HOOK3: variants seen among roughly 807,000 people sequenced by gnomAD.
HOOK3 encodes the protein hook microtubule tethering protein 3.
Under a neutral mutation model 116.3 loss-of-function variants are expected in HOOK3, and 24 were observed. That is an observed-to-expected ratio of 0.21 (90% CI 0.15 to 0.29). The LOEUF (loss-of-function observed/expected upper bound fraction) is 0.29, where lower values mean the gene tolerates loss of function less well. Among genes scored for constraint, HOOK3 ranks in the 10% least tolerant of loss-of-function variants. The pLI, the probability that HOOK3 is intolerant of heterozygous loss-of-function variation, is 1.00. For missense variants in HOOK3, 632 were observed against 830.2 expected (o/e 0.76, Z 2.93); for synonymous variants, 275 against 283.0 (o/e 0.97, Z 0.28).
intron 4 of HOOK3, among the ~76,000 whole-genome samples, chr8:42,931,478 G>C (rs1467219155): frequency 1.6e-5 from 2 of 128,796 alleles, no homozygotes; most frequent in Admixed American, 1.9e-4. Context: ...GTCACCCAGT[G>C]TGGAGTGCAG....
At chr8:42,919,969 G>A (rs1452225482) in intron 2 of HOOK3, among the ~76,000 whole-genome samples, 1 of 149,534 alleles carries the variant, frequency 6.7e-6, no homozygotes, top group Non-Finnish European at 1.5e-5. Context: ...TTTTTTTTCT[G>A]TGAAGGCATT....
intron 1 of HOOK3, among the ~76,000 whole-genome samples, chr8:42,899,079 C>G (rs935408880): frequency 3.9e-5 from 6 of 152,130 alleles, no homozygotes; most frequent in African/African-American, 1.4e-4. Flanking sequence ...TTAAACCATC[C>G]TAAGTTGGGG....
intron 17 of HOOK3, among the ~76,000 whole-genome samples, chr8:43,006,247 C>T (rs1015380720): frequency 7.1e-6 from 1 of 140,212 alleles, no homozygotes. Context: ...GTCTTGTTCT[C>T]CTGACCTCGT....
chr8:42,989,710 A>G (rs535312421), intron 15 of HOOK3, among the ~76,000 whole-genome samples: 1 of 152,022 alleles, frequency 6.6e-6, no homozygotes, highest in South Asian at 2.1e-4. Context: ...CATTCTTTCT[A>G]TTTTTATGTA....
chr8:42,953,031 C>T (rs755478353), intron 6 of HOOK3, among the ~76,000 whole-genome samples: 2 of 151,992 alleles, frequency 1.3e-5, no homozygotes, highest in Non-Finnish European at 2.9e-5. Context: ...TATCCACCTC[C>T]TGCAAGTAGA....
chr8:42,928,480 A>G (rs1422766680), intron 3 of HOOK3, among the ~76,000 whole-genome samples: 2 of 152,096 alleles, frequency 1.3e-5, no homozygotes, highest in African/African-American at 4.8e-5. Context: ...TTTTAATGTT[A>G]CAGCATGTTT....
intron 8 of HOOK3, 93 bp from the exon 9 acceptor site, chr8:42,964,218 A>G (rs1313837429): frequency 1.6e-6 from 2 of 1,289,952 alleles, no homozygotes; most frequent in Non-Finnish European, 2.2e-6. Flanking sequence ...AAATCTATAT[A>G]TAGGCTTTAA....
intron 2 of HOOK3, among the ~76,000 whole-genome samples, chr8:42,924,760 G>A (rs975093665): frequency 1.3e-5 from 2 of 152,138 alleles, no homozygotes; most frequent in African/African-American, 2.4e-5. Context: ...ATCACCTGAG[G>A]TCAGGAGTTG....
chr8:43,005,214 A>ATTTTTTT (rs1178140233), intron 17 of HOOK3, among the ~76,000 whole-genome samples: 25 of 63,174 alleles, frequency 4.0e-4, no homozygotes, highest in Non-Finnish European at 4.8e-4. Context: ...TATATATATA[A>ATTTTTTT]TTTTTTTTTT....
At chr8:42,991,369 A>G (rs1019585529) in intron 15 of HOOK3, among the ~76,000 whole-genome samples, 2 of 146,502 alleles carry the variant, frequency 1.4e-5, no homozygotes, top group African/African-American at 5.0e-5. Context: ...GAATCTGTAG[A>G]TAGATAGCTT....
intron 10 of HOOK3, 115 bp downstream of exon 10, chr8:42,966,728 C>A: frequency 1.9e-6 from 2 of 1,080,022 alleles, no homozygotes; most frequent in Non-Finnish European, 2.7e-6. Context: ...GATCCCGGGT[C>A]TACTGCTTAT....
intron 8 of HOOK3, among the ~76,000 whole-genome samples, chr8:42,961,829 C>T (rs1286350183): frequency 6.6e-6 from 1 of 151,898 alleles, no homozygotes; most frequent in African/African-American, 2.4e-5. Flanking sequence ...CTCTGTCACC[C>T]AGGCTAGAGT....
intron 8 of HOOK3, among the ~76,000 whole-genome samples, chr8:42,962,962 T>A (rs1405810890): frequency 6.6e-6 from 1 of 151,902 alleles, no homozygotes; most frequent in African/African-American, 2.4e-5. Flanking sequence ...CCACCACGCC[T>A]GGCTAATTTT....
intron 7 of HOOK3, among the ~76,000 whole-genome samples, chr8:42,957,739 A>G (rs1808461094): frequency 6.6e-6 from 1 of 152,028 alleles, no homozygotes; most frequent in Admixed American, 6.6e-5. Flanking sequence ...TAAATGCTCT[A>G]AGAACTACTG....
intron 2 of HOOK3, among the ~76,000 whole-genome samples, chr8:42,914,524 C>T (rs1001650036): frequency 1.3e-5 from 2 of 152,224 alleles, no homozygotes; most frequent in Non-Finnish European, 2.9e-5. Context: ...AAGAATTCTT[C>T]AGTTCTCTAG....
At chr8:42,934,934 A>G (rs1239683938) in intron 4 of HOOK3, among the ~76,000 whole-genome samples, 1 of 152,164 alleles carries the variant, frequency 6.6e-6, no homozygotes, top group East Asian at 1.9e-4. Context: ...GTCAAATAGT[A>G]TTTCTGGTTC....
intron 4 of HOOK3, among the ~76,000 whole-genome samples, chr8:42,935,396 T>G (rs534329772): frequency 6.6e-6 from 1 of 152,302 alleles, no homozygotes; most frequent in Non-Finnish European, 1.5e-5. Flanking sequence ...TTAGTTTTCT[T>G]AGATCTCATT....
chr8:42,979,871 T>C (rs1477679007), intron 13 of HOOK3, among the ~76,000 whole-genome samples: 1 of 152,180 alleles, frequency 6.6e-6, no homozygotes, highest in African/African-American at 2.4e-5. Context: ...AAATATATCG[T>C]TTGTGATTAT....
intron 17 of HOOK3, among the ~76,000 whole-genome samples, chr8:43,003,838 G>C (rs1444430582): frequency 6.6e-6 from 1 of 152,056 alleles, no homozygotes. Context: ...TCTTTTCTCT[G>C]TATGTCTGTG....
Sources: gnomAD v4.1 joint callset for allele counts (sites outside exome capture counted in the v4.1 genomes callset) on GRCh38, gnomAD v4.1.1 for gene constraint, MANE v1.5 for transcripts, NCBI Gene and HGNC (gene_info 2026-07-23, HGNC 2026-07-21) for gene names.